VCL: variants seen among roughly 807,000 people sequenced by gnomAD.
VCL encodes the protein vinculin, also known as epididymis luminal protein 114.
Under a neutral mutation model 125.7 loss-of-function variants are expected in VCL, and 47 were observed. That is an observed-to-expected ratio of 0.37 (90% CI 0.30 to 0.48). The LOEUF is 0.48. Among genes scored for constraint, VCL ranks in the 20% least tolerant of loss-of-function variants. The pLI is 0.99. For missense variants in VCL, 1,069 were observed against 1,455.5 expected, an observed-to-expected ratio of 0.73 and a Z score of 4.32; for synonymous variants, 458 against 514.6, an observed-to-expected ratio of 0.89 and a Z score of 1.49.
chr10:74,094,482 T>C (rs1839935535), intron 11 of VCL, 21 bp downstream of exon 11: 2 of 1,607,652 alleles, frequency 1.2e-6, no homozygotes, highest in East Asian at 4.5e-5. Flanking sequence ...CAGTGCACTA[T>C]AACCTCATTA....
At chr10:74,095,535 G>T in intron 11 of VCL, 121 bp from the exon 12 acceptor site, 1 of 1,272,430 alleles carries the variant, frequency 7.9e-7, no homozygotes. Context: ...GCTGCAATGA[G>T]CTGTTGTTCC....
intron 10 of VCL, among the ~76,000 whole-genome samples, chr10:74,094,019 C>T (rs912817013): frequency 2.0e-5 from 3 of 152,152 alleles, no homozygotes; most frequent in African/African-American, 4.8e-5. Context: ...GATTGAGCTC[C>T]GCTAACCAAA....
intron 1 of VCL, among the ~76,000 whole-genome samples, chr10:74,030,272 T>C (rs1343222113): frequency 6.6e-6 from 1 of 152,230 alleles, no homozygotes; most frequent in African/African-American, 2.4e-5. Flanking sequence ...GGGGCTAATG[T>C]TACCAAATCT....
At chr10:74,028,066 A>G (rs1253086737) in intron 1 of VCL, among the ~76,000 whole-genome samples, 2 of 151,964 alleles carry the variant, frequency 1.3e-5, no homozygotes, top group Non-Finnish European at 2.9e-5. Flanking sequence ...AATAAGACTG[A>G]GGGTTTTTTT....
At position 74,095,794 on chromosome 10, in the gene VCL, G is replaced by T; in HGVS notation, c.1682G>T (p.Arg561Ile). 6.2e-7 allele frequency: 1 copy of T among 1,614,214 alleles called. No homozygotes were observed. Among genetic ancestry groups the T allele is most frequent in the Non-Finnish European group, 8.5e-7 (1 of 1,180,040 alleles). Reference sequence around the variant, plus strand: ...GCCCAGCTGGCTGACCTGGCTGCCAGAGGGGAAGGGGAGAGTCCTCAGGCA... The same window carrying T: ...GCCCAGCTGGCTGACCTGGCTGCCATAGGGGAAGGGGAGAGTCCTCAGGCA... Reference protein sequence around the residue: ...LTAQLADLAARGEGESPQARA... With the variant: ...LTAQLADLAAIGEGESPQARA... Residue 561 changes from arginine to isoleucine, a missense_variant, in exon 12 of 22, where the codon AGA becomes ATA. By Grantham distance (97) the Arg-to-Ile change is moderately conservative. Transcript: ENST00000211998.
intron 4 of VCL, among the ~76,000 whole-genome samples, chr10:74,072,323 T>A (rs1228562575): frequency 6.6e-6 from 1 of 152,200 alleles, no homozygotes; most frequent in Admixed American, 6.5e-5. Context: ...TTAGAACTTT[T>A]TTCAGCCACT....
intron 1 of VCL, among the ~76,000 whole-genome samples, chr10:74,020,538 T>A (rs746887698): frequency 1.4e-4 from 21 of 151,966 alleles, no homozygotes; most frequent in Non-Finnish European, 2.6e-4. Flanking sequence ...CAGATATCTA[T>A]GCTAGTAAGA....
intron 2 of VCL, among the ~76,000 whole-genome samples, chr10:74,070,277 G>A (rs1291040311): frequency 6.6e-6 from 1 of 152,194 alleles, no homozygotes; most frequent in East Asian, 1.9e-4. Context: ...TAATAGCAGT[G>A]TGTATAGGGT....
At chr10:74,005,446 G>A (rs1338064700) in intron 1 of VCL, among the ~76,000 whole-genome samples, 1 of 151,440 alleles carries the variant, frequency 6.6e-6, no homozygotes, top group Non-Finnish European at 1.5e-5. Flanking sequence ...AGTAGAGATG[G>A]GGTTTCACCA....
rs1413008162 is a variant in VCL, at chr10:74,090,074, G to A, written c.1228G>A (p.Gly410Ser). Residue 410 changes from glycine to serine, a missense_variant, in exon 10 of 22, where the codon GGT (glycine) becomes AGT (serine). This residue lies in a region of VCL where 760 missense variants were observed against 928.9 expected (regional missense o/e 0.82). Transcript: ENST00000211998. Reference sequence around the variant, plus strand: ...ACCGGAAGGAGAAGAGCAGATTCGAGGTGCTTTGGCTGAAGCTCGGAAAAT... The same window carrying A: ...ACCGGAAGGAGAAGAGCAGATTCGAAGTGCTTTGGCTGAAGCTCGGAAAAT... ...GGPEGEEQIR[G>S]ALAEARKIAE... The A allele has an allele frequency of 1.9e-6, 3 of 1,614,146 alleles. No individual in the cohort carries two copies. Among genetic ancestry groups the A allele is most frequent in the Non-Finnish European group, 2.5e-6 (3 of 1,180,030 alleles).
At chr10:73,998,728 GC>G (rs1395901646) in intron 1 of VCL, among the ~76,000 whole-genome samples, 2 of 152,246 alleles carry the variant, frequency 1.3e-5, no homozygotes, top group South Asian at 2.1e-4. Context: ...GAGGGTCCCT[GC>G]CCCGCGCAGG....
At position 74,079,931 on chromosome 10, in the gene VCL, G is replaced by A. The variant is rs540340713; in HGVS notation, c.784-2523G>A. On this transcript the variant is annotated intron_variant, in intron 6 of 21. Coordinates refer to ENST00000211998, the MANE Select transcript of VCL (RefSeq NM_014000.3). Reference sequence around the variant, plus strand: ...GCAGCTTCATTCAAAATTGGCTATTGGTTCCTTTTAGGGGAAAATGAACAT... The same window carrying A: ...GCAGCTTCATTCAAAATTGGCTATTAGTTCCTTTTAGGGGAAAATGAACAT... Among the ~76,000 whole-genome samples the A allele has an allele frequency of 5.9e-5, 9 of 152,088 alleles. No individual in the cohort carries two copies. In the South Asian group the frequency reaches 1.9e-3, roughly 32 times the overall value.
chr10:74,044,673 A>G (rs991489454), intron 2 of VCL, among the ~76,000 whole-genome samples: 1 of 152,204 alleles, frequency 6.6e-6, no homozygotes, highest in Non-Finnish European at 1.5e-5. Flanking sequence ...TATGTTCCCT[A>G]AAGATACTCG....
At chr10:74,114,120 C>G (rs1840273261) in intron 19 of VCL, 64 bp from the exon 20 acceptor site, 13 of 1,588,680 alleles carry the variant, frequency 8.2e-6, no homozygotes, top group Middle Eastern at 2.2e-4. Context: ...CTGTGCTTCT[C>G]CTTCCTTCCT....
intron 1 of VCL, among the ~76,000 whole-genome samples, chr10:74,008,818 A>G (rs1481059960): frequency 2.0e-5 from 3 of 152,236 alleles, no homozygotes; most frequent in African/African-American, 7.2e-5. Flanking sequence ...TCTTTCTAGA[A>G]TATGCTGTTT....
chr10:73,998,642 G>T (rs1244753458), intron 1 of VCL, among the ~76,000 whole-genome samples: 1 of 152,244 alleles, frequency 6.6e-6, no homozygotes, highest in Non-Finnish European at 1.5e-5. Flanking sequence ...ATATGGCGAG[G>T]TATTATTCGT....
chr10:74,015,683 T>G (rs1840524607), intron 1 of VCL, among the ~76,000 whole-genome samples: 1 of 151,988 alleles, frequency 6.6e-6, no homozygotes, highest in Non-Finnish European at 1.5e-5. Flanking sequence ...CTTTTTTTCT[T>G]TCTTTTTCTT....
rs1029804641 is a variant in VCL, at chr10:74,112,179, T to C, written c.2949+67T>C. The C allele has an allele frequency of 5.1e-6, 8 of 1,582,066 alleles. No homozygotes were observed. The East Asian group carries it at 8.9e-5, about 18-fold the overall frequency. ...TCCGGCCATGTGCAGCCTTGACACA[T>C]TGCATCACTCATGATCTGTGCTGGT... is the stretch of plus-strand genomic sequence containing the variant. On this transcript the variant is annotated intron_variant, in intron 19 of 21. Coordinates refer to ENST00000211998, the MANE Select transcript of VCL (RefSeq NM_014000.3).
intron 1 of VCL, among the ~76,000 whole-genome samples, chr10:74,038,477 ACCT>A (rs771786696): frequency 2.6e-5 from 4 of 152,228 alleles, no homozygotes; most frequent in Non-Finnish European, 5.9e-5. Context: ...TATGTGTTGT[ACCT>A]TAAAAACAGT....
Sources: allele counts gnomAD v4.1 joint callset (sites outside exome capture counted in the v4.1 genomes callset), GRCh38; gene constraint gnomAD v4.1.1; regional missense constraint gnomAD v4.1.1; transcripts MANE v1.5; gene names NCBI Gene and HGNC (gene_info 2026-07-23, HGNC 2026-07-21).